MUC5AC: variants seen among roughly 807,000 people sequenced by gnomAD.
MUC5AC encodes the protein mucin-5AC.
Under a neutral mutation model 169.7 loss-of-function variants are expected in MUC5AC, and 158 were observed. That is an observed-to-expected ratio of 0.93 (90% CI 0.82 to 1.06). MUC5AC has a LOEUF of 1.06. MUC5AC is among the 50% of genes least tolerant of loss of function. MUC5AC has a pLI of 0.00. For missense variants in MUC5AC, 4,359 were observed against 3,089.9 expected (o/e 1.41, Z -9.74); for synonymous variants, 1,975 against 1,237.0 (o/e 1.60, Z -12.52).
Position 1,162,145 on chromosome 11 carries a change from C to G in MUC5AC, c.450C>G (p.Gly150=). 4 of 1,612,264 alleles carry G rather than the reference C, an allele frequency of 2.5e-6. No homozygotes were observed. The highest frequency in any genetic ancestry group is 2.5e-6 in the Non-Finnish European group (3 of 1,179,636). ...GCGTGGTCATCCAGCTGACCAAGGG[C>G]TCCGTCCTGGTCAACGGCCACCCGT... is the stretch of plus-strand genomic sequence containing the variant. ...VDGVVIQLTK[G]SVLVNGHPVL... The change falls in exon 4 of 49, where the codon GGC becomes GGG. Residue 150 remains glycine (G), a synonymous_variant. Transcript: ENST00000621226.
At position 1,200,595 on chromosome 11, in the gene MUC5AC, C is replaced by G. The variant is rs757532921; in HGVS notation, c.16858C>G (p.Pro5620Ala). 2 of 764,506 alleles carry G rather than the reference C, an allele frequency of 2.6e-6. No individual in the cohort carries two copies. The highest frequency in any genetic ancestry group is 1.3e-5 in the South Asian group (1 of 74,556). The allele number at this position is 764,506 out of a possible 1,614,324, so 47.4% of individuals were successfully genotyped here. Reference sequence around the variant, plus strand: ...GTGCGGCTGCATGGGCCGGCGGTGCCCTGCGCCGGGCGACACCCAGCACTC... The same window carrying G: ...GTGCGGCTGCATGGGCCGGCGGTGCGCTGCGCCGGGCGACACCCAGCACTC... ...EECGCMGRRCPAPGDTQHSEE... is the reference protein window; with the variant it reads ...EECGCMGRRCAAPGDTQHSEE... The change falls in exon 49 of 49, where the codon CCT becomes GCT. Residue 5620 changes from proline (P) to alanine (A), a missense_variant. Coordinates refer to ENST00000621226, the MANE Select transcript of MUC5AC (RefSeq NM_001304359.2).
rs1040409776 is a variant in MUC5AC, at chr11:1,179,230, C to A, written c.3466C>A (p.Arg1156=). ...TGAAGTAGGCCTGTGTGTGTCCTGGCGGACCCCGAGCATCTGCCGTGAGTG... is the reference window on the plus strand; with the variant it reads ...TGAAGTAGGCCTGTGTGTGTCCTGGAGGACCCCGAGCATCTGCCGTGAGTG... ...CHEVGLCVSW[R]TPSICPLFCD... The change falls in exon 26 of 49, where the codon CGG becomes AGG. Residue 1156 remains arginine (R), a synonymous_variant. Transcript: ENST00000621226. 9.8e-6 allele frequency: 6 copies of A among 610,328 alleles called. No individual in the cohort carries two copies. The highest frequency in any genetic ancestry group is 3.7e-5 in the African/African-American group (2 of 54,236). 37.8% of individuals were successfully genotyped at this position (610,328 alleles called of 1,614,324 possible).
Position 1,193,562 on chromosome 11 carries a change from C to T in MUC5AC, c.14658C>T (p.Arg4886=), listed in dbSNP as rs1268260244. 1.3e-6 allele frequency: 1 copy of T among 764,562 alleles called. No homozygotes were observed. Among genetic ancestry groups the T allele is most frequent in the African/African-American group, 1.7e-5 (1 of 59,160 alleles). 47.4% of individuals were successfully genotyped at this position (764,562 alleles called of 1,614,324 possible). A position where few individuals can be genotyped will look rare whatever the true frequency, so the allele number is the denominator to read the frequency against. The change falls in exon 33 of 49, where the codon CGC becomes CGT. Residue 4886 remains arginine, a synonymous_variant. Transcript: ENST00000621226. The part of the protein sequence containing the change: ...EGNNVISLRP[R]TCPRVEKPTC... ...ACAACGTCATCTCCCTGCGCCCGCG[C>T]ACGTGCCCGAGGGTGGAGAAGCCCA... is the stretch of plus-strand genomic sequence containing the variant.
In MUC5AC at chr11:1,200,581, T is replaced by G. The variant is rs761493359; in HGVS notation, c.16844T>G (p.Met5615Arg). The change falls in exon 49 of 49, where the codon ATG becomes AGG. Residue 5615 changes from methionine to arginine, a missense_variant. Met to Arg is a moderately conservative substitution (Grantham distance 91). Transcript: ENST00000621226. Reference protein sequence around the residue: ...SYTEVEECGCMGRRCPAPGDT... With the variant: ...SYTEVEECGCRGRRCPAPGDT... ...ACCGAGGTGGAAGAGTGCGGCTGCA[T>G]GGGCCGGCGGTGCCCTGCGCCGGGC... 3 of 764,436 alleles carry G rather than the reference T, an allele frequency of 3.9e-6. No homozygotes were observed. Among genetic ancestry groups the G allele is most frequent in the African/African-American group, 3.4e-5 (2 of 59,112 alleles). 47.4% of individuals were successfully genotyped at this position (764,436 alleles called of 1,614,324 possible).
intron 30 of MUC5AC, among the ~76,000 whole-genome samples, chr11:1,181,840 G>T (rs1860822623): frequency 6.6e-6 from 1 of 152,230 alleles, no homozygotes; most frequent in Non-Finnish European, 1.5e-5. Flanking sequence ...CTCTTCTGGG[G>T]GATGTCTCAG....
Position 1,186,982 on chromosome 11 carries a change from C to G in MUC5AC, c.8837C>G (p.Thr2946Ser), listed in dbSNP as rs1329309814. Residue 2946 changes from threonine (T) to serine (S), a missense_variant, in exon 31 of 49, where the codon ACT (threonine) becomes AGT (serine). Physicochemically the swap from Thr to Ser is moderately conservative, Grantham distance 58. Coordinates refer to ENST00000621226, the MANE Select transcript of MUC5AC (RefSeq NM_001304359.2). The part of the protein sequence containing the change: ...PTTSTTSVPG[T>S]TPSPVPTTST... ...ACCAGCACAACTTCTGTTCCTGGAA[C>G]TACTCCCAGCCCTGTTCCTACCACC... 1 of 741,130 alleles carries G rather than the reference C, an allele frequency of 1.3e-6. No individual in the cohort carries two copies. Among genetic ancestry groups the G allele is most frequent in the Non-Finnish European group, 2.5e-6 (1 of 406,016 alleles). The allele number at this position is 741,130 out of a possible 1,614,324, so 45.9% of individuals were successfully genotyped here.
In MUC5AC at chr11:1,188,093, T is replaced by C. The variant is rs1554928471; in HGVS notation, c.9948T>C (p.Arg3316=). 3.6e-5 allele frequency: 27 copies of C among 739,934 alleles called. 1 individual carries two copies. Among genetic ancestry groups the C allele is most frequent in the Admixed American group, 1.4e-4 (8 of 57,114 alleles). The allele number at this position is 739,934 out of a possible 1,614,324, so 45.8% of individuals were successfully genotyped here. ...PFKMCLNYEV[R]VLCCETPKGC... ...AGATGTGCCTCAACTACGAGGTGCG[T>C]GTGCTCTGCTGCGAGACCCCTAAAG... The change falls in exon 31 of 49, where the codon CGT becomes CGC. Residue 3316 remains arginine (R), a synonymous_variant. Coordinates refer to ENST00000621226, the MANE Select transcript of MUC5AC (RefSeq NM_001304359.2).
chr11:1,161,612 G>A, intron 3 of MUC5AC, 26 bp downstream of exon 3: 4 of 1,602,988 alleles, frequency 2.5e-6, no homozygotes, highest in Non-Finnish European at 3.4e-6. Context: ...AGGCCTGGGT[G>A]GGGAAGGGTC....
chr11:1,196,782 G>C (rs1297767123), intron 39 of MUC5AC, 62 bp downstream of exon 39: 2 of 730,548 alleles, frequency 2.7e-6, no homozygotes. Context: ...TGTTGGCCAG[G>C]TCCTGGGGTC....
At chr11:1,196,090 C>T in intron 37 of MUC5AC, 36 bp downstream of exon 37, 3 of 747,648 alleles carry the variant, frequency 4.0e-6, no homozygotes, top group Non-Finnish European at 4.9e-6. Flanking sequence ...TCCCAAGTCG[C>T]TTGTGAGGGG....
In MUC5AC at chr11:1,190,265, G is replaced by A; in HGVS notation, c.12120G>A (p.Met4040Ile). ...RNQDQQGPFK[M>I]CLNYEVRVLC... ...AGGACCAGCAGGGACCCTTCAAGAT[G>A]TGCCTCAACTACGAGGTGCGTGTGC... is the stretch of plus-strand genomic sequence containing the variant. The change falls in exon 31 of 49, where the codon ATG becomes ATA. Residue 4040 changes from methionine to isoleucine, a missense_variant. Met to Ile is a conservative substitution (Grantham distance 10). Coordinates refer to ENST00000621226, the MANE Select transcript of MUC5AC (RefSeq NM_001304359.2). The A allele has an allele frequency of 2.8e-6, 2 of 722,644 alleles. No individual in the cohort carries two copies. The highest frequency in any genetic ancestry group is 5.0e-6 in the Non-Finnish European group (2 of 396,428). 44.8% of individuals were successfully genotyped at this position (722,644 alleles called of 1,614,324 possible). A position where few individuals can be genotyped will look rare whatever the true frequency, so the allele number is the denominator to read the frequency against.
rs1373276089 is a variant in MUC5AC, at chr11:1,187,422, A to G, written c.9277A>G (p.Ile3093Val). ...STTSAATTST[I>V]SAPTTSTTSA... ...AACCTCTGCCGCTACAACCAGCACA[A>G]TCTCGGCCCCAACAACCAGCACAAC... Residue 3093 changes from isoleucine to valine, a missense_variant, in exon 31 of 49, where the codon ATC (isoleucine) becomes GTC (valine). Transcript: ENST00000621226. 9 of 731,240 alleles carry G rather than the reference A, an allele frequency of 1.2e-5. No individual in the cohort carries two copies. The highest frequency in any genetic ancestry group is 2.5e-5 in the East Asian group (1 of 39,494). The allele number at this position is 731,240 out of a possible 1,614,324, so 45.3% of individuals were successfully genotyped here.
In MUC5AC at chr11:1,167,959, T is replaced by C. The variant is rs1181885151; in HGVS notation, c.1469T>C (p.Val490Ala). Residue 490 changes from valine to alanine, a missense_variant, in exon 12 of 49, where the codon GTG becomes GCG. Physicochemically the swap from Val to Ala is moderately conservative, Grantham distance 64. Transcript: ENST00000621226. ...LTDSETCLKS[V>A]TLSLDGAQTV... ...GACAGCGAGACCTGCCTGAAGAGCGTGACACTGAGCCTGGATGGGGCGCAG... is the reference window on the plus strand; with the variant it reads ...GACAGCGAGACCTGCCTGAAGAGCGCGACACTGAGCCTGGATGGGGCGCAG... 1 of 1,550,748 alleles carries C rather than the reference T, an allele frequency of 6.4e-7. No homozygotes were observed. Among genetic ancestry groups the C allele is most frequent in the East Asian group, 2.4e-5 (1 of 40,936 alleles).
At chr11:1,158,472 T>C (rs1860029136) in intron 1 of MUC5AC, among the ~76,000 whole-genome samples, 1 of 152,178 alleles carries the variant, frequency 6.6e-6, no homozygotes. Context: ...ACCCCACACA[T>C]GCCCAGTTCA....
chr11:1,185,986 C>T lies in MUC5AC; in HGVS notation c.7841C>T (p.Ser2614Phe). The change falls in exon 31 of 49, where the codon TCT becomes TTT. Residue 2614 changes from serine (S) to phenylalanine (F), a missense_variant. Transcript: ENST00000621226. Reference protein sequence around the residue: ...ITSAPTTSTNSAPISSTTSAT... With the variant: ...ITSAPTTSTNFAPISSTTSAT... ...TCTGCACCTACAACCAGCACAAACT[C>T]TGCCCCTATAAGCAGCACAACCTCT... 5.5e-6 allele frequency: 4 copies of T among 730,964 alleles called. No individual in the cohort carries two copies. In the South Asian group the frequency reaches 5.7e-5, roughly 10 times the overall value. The allele number at this position is 730,964 out of a possible 1,614,324, so 45.3% of individuals were successfully genotyped here.
intron 5 of MUC5AC, 24 bp downstream of exon 5, chr11:1,162,670 G>A (rs894627408): frequency 5.6e-6 from 9 of 1,600,370 alleles, no homozygotes; most frequent in East Asian, 2.2e-5. Flanking sequence ...GGGGTGTCCC[G>A]GTGTGCAACT....
chr11:1,190,933 C>A lies in MUC5AC; in HGVS notation c.12788C>A (p.Thr4263Asn), dbSNP rs1861076179. The A allele has an allele frequency of 1.4e-6, 1 of 738,088 alleles. No individual in the cohort carries two copies. Among genetic ancestry groups the A allele is most frequent in the African/African-American group, 1.8e-5 (1 of 56,294 alleles). The allele number at this position is 738,088 out of a possible 1,614,324, so 45.7% of individuals were successfully genotyped here. A position where few individuals can be genotyped will look rare whatever the true frequency, so the allele number is the denominator to read the frequency against. ...ACTACTCCAAGCCCTGTTCCCAGCACCAGTACAACCTCTGCTGCTACAACC... is the reference window on the plus strand; with the variant it reads ...ACTACTCCAAGCCCTGTTCCCAGCAACAGTACAACCTCTGCTGCTACAACC... ...PGTTPSPVPS[T>N]STTSAATTST... The change falls in exon 31 of 49, where the codon ACC (threonine) becomes AAC (asparagine). Residue 4263 changes from threonine to asparagine, a missense_variant. Transcript: ENST00000621226.
At chr11:1,198,729 C>T in intron 43 of MUC5AC, 145 bp from the exon 44 acceptor site, 1 of 612,856 alleles carries the variant, frequency 1.6e-6, no homozygotes, top group Non-Finnish European at 2.9e-6. Context: ...CACCACGAGT[C>T]ACCCCAGGGG....
At chr11:1,169,165 C>T in intron 15 of MUC5AC, 139 bp downstream of exon 15, 1 of 1,408,732 alleles carries the variant, frequency 7.1e-7, no homozygotes, top group Non-Finnish European at 9.2e-7. Context: ...GGCCCAAGGA[C>T]AGGCTCATGG....
Sources: allele counts gnomAD v4.1 joint callset (sites outside exome capture counted in the v4.1 genomes callset), GRCh38; gene constraint gnomAD v4.1.1; transcripts MANE v1.5; gene names NCBI Gene and HGNC (gene_info 2026-07-23, HGNC 2026-07-21).